The following UNC13C variants were observed in gnomAD, a reference collection of about 807,000 sequenced individuals.
The protein encoded by UNC13C is unc-13 homolog C, also known as protein unc-13 homolog C.
Under a neutral mutation model 245.4 loss-of-function variants are expected in UNC13C, and 174 were observed. That is an observed-to-expected ratio of 0.71 (90% CI 0.63 to 0.80). The LOEUF (loss-of-function observed/expected upper bound fraction) is 0.80. Ranked by LOEUF, UNC13C falls within the 30% of genes least tolerant of loss-of-function variation. The probability of loss-of-function intolerance (pLI) is 0.00; values close to 1 mark genes in which losing one functional copy is unlikely to be tolerated. For missense variants in UNC13C, 2,829 were observed against 2,602.9 expected (o/e 1.09, Z -1.89); for synonymous variants, 992 against 895.1 (o/e 1.11, Z -1.93).
At chr15:54,079,848 T>C (rs1388811803) in intron 2 of UNC13C, among the ~76,000 whole-genome samples, 1 of 152,084 alleles carries the variant, frequency 6.6e-6, no homozygotes, top group Non-Finnish European at 1.5e-5. Context: ...GGTACTATGC[T>C]GAATAGAAAT....
At chr15:53,884,031 G>C in the UNC13C span, among the ~76,000 whole-genome samples, 2 of 152,116 alleles carry the variant, frequency 1.3e-5, no homozygotes, top group Non-Finnish European at 2.9e-5. Flanking sequence ...CTGTGATCCT[G>C]GGGAAATGAT....
chr15:54,059,347 G>C (rs1897695649), intron 2 of UNC13C, among the ~76,000 whole-genome samples: 1 of 152,092 alleles, frequency 6.6e-6, no homozygotes, highest in South Asian at 2.1e-4. Context: ...CAAATCATGA[G>C]TGAACTCCCA....
chr15:53,902,517 A>C, the UNC13C span, among the ~76,000 whole-genome samples: 1 of 152,230 alleles, frequency 6.6e-6, no homozygotes, highest in African/African-American at 2.4e-5. Context: ...TAGTAGAAGG[A>C]GTAATTAGGG....
chr15:54,309,854 T>C (rs892117740), intron 13 of UNC13C, among the ~76,000 whole-genome samples: 6 of 151,888 alleles, frequency 4.0e-5, no homozygotes, highest in African/African-American at 1.4e-4. Context: ...CATTAATCTA[T>C]GTGTCTATTT....
chr15:54,528,324 T>G (rs910692571), intron 25 of UNC13C, among the ~76,000 whole-genome samples: 1 of 151,666 alleles, frequency 6.6e-6, no homozygotes, highest in African/African-American at 2.4e-5. Context: ...GCTCCTTTTT[T>G]TTTTTTTTTC....
chr15:53,940,925 C>T, the UNC13C span, among the ~76,000 whole-genome samples: 1 of 152,234 alleles, frequency 6.6e-6, no homozygotes, highest in Middle Eastern at 3.4e-3. Context: ...ATTAAACTAC[C>T]AGTGCCATTT....
At chr15:53,934,428 A>T in the UNC13C span, among the ~76,000 whole-genome samples, 1 of 152,174 alleles carries the variant, frequency 6.6e-6, no homozygotes, top group African/African-American at 2.4e-5. Flanking sequence ...TATTTCTAAC[A>T]CTTAAGCAAA....
chr15:54,198,439 G>A (rs112093902), intron 4 of UNC13C, among the ~76,000 whole-genome samples: 4,392 of 152,130 alleles, frequency 0.029, 214 homozygotes, highest in African/African-American at 0.1. Context: ...CACAACCAAG[G>A]ATCCTCACAG....
intron 2 of UNC13C, among the ~76,000 whole-genome samples, chr15:54,121,808 T>C (rs2030686564): frequency 6.6e-6 from 1 of 152,078 alleles, no homozygotes; most frequent in Non-Finnish European, 1.5e-5. Flanking sequence ...TGTATTCTTT[T>C]ATCTCTTTCA....
At chr15:54,261,521 T>TGTTTG (rs1354252437) in intron 8 of UNC13C, among the ~76,000 whole-genome samples, 2 of 133,132 alleles carry the variant, frequency 1.5e-5, no homozygotes, top group Non-Finnish European at 3.1e-5. Flanking sequence ...AATTTTTGTT[T>TGTTTG]GTTTGTTTTG....
intron 10 of UNC13C, among the ~76,000 whole-genome samples, chr15:54,271,873 A>C (rs117486837): frequency 6.6e-6 from 1 of 152,352 alleles, no homozygotes; most frequent in East Asian, 1.9e-4. Context: ...CGACTGGACA[A>C]TCAGCTCCAC....
intron 19 of UNC13C, among the ~76,000 whole-genome samples, chr15:54,465,030 A>G (rs901154525): frequency 3.3e-5 from 5 of 152,096 alleles, no homozygotes; most frequent in Non-Finnish European, 5.9e-5. Context: ...CACAGATAAT[A>G]CATATCTGAT....
intron 17 of UNC13C, among the ~76,000 whole-genome samples, chr15:54,359,930 A>G (rs886064186): frequency 1.3e-5 from 2 of 151,802 alleles, no homozygotes; most frequent in African/African-American, 4.8e-5. Context: ...AGGTATACCT[A>G]CCTTTCTTGA....
chr15:54,493,593 T>C (rs978862900), intron 19 of UNC13C, among the ~76,000 whole-genome samples: 6 of 152,132 alleles, frequency 3.9e-5, no homozygotes, highest in African/African-American at 7.2e-5. Flanking sequence ...AAATAGTGTT[T>C]TAAGAATTTA....
In UNC13C at chr15:54,500,983, G is replaced by A. The variant is rs752633945; in HGVS notation, c.5301+5G>A. 6.2e-7 allele frequency: 1 copy of A among 1,611,216 alleles called. No homozygotes were observed. The highest frequency in any genetic ancestry group is 8.5e-7 in the Non-Finnish European group (1 of 1,178,390). ...TTAATGAGAAGATTTGCAAAGGTAG[G>A]TTAAATAAAATGAGTCTTCTTTTTC... On this transcript the variant is annotated splice_donor_5th_base_variant and intron_variant, in intron 22 of 32. Transcript: ENST00000260323.
intron 5 of UNC13C, among the ~76,000 whole-genome samples, chr15:54,235,576 A>G (rs1392839103): frequency 6.6e-6 from 1 of 152,186 alleles, no homozygotes; most frequent in Non-Finnish European, 1.5e-5. Flanking sequence ...TAAATTAATA[A>G]GCTCTTCTAT....
intron 24 of UNC13C, among the ~76,000 whole-genome samples, chr15:54,516,797 C>T (rs1894998382): frequency 4.1e-5 from 1 of 24,220 alleles, no homozygotes; most frequent in Non-Finnish European, 7.5e-5. Flanking sequence ...GAGATGCTGT[C>T]TCAAAAAAAA....
At chr15:54,330,672 T>G (rs2038414110) in intron 14 of UNC13C, among the ~76,000 whole-genome samples, 1 of 152,106 alleles carries the variant, frequency 6.6e-6, no homozygotes, top group Non-Finnish European at 1.5e-5. Flanking sequence ...CTTCTCCTTT[T>G]CTATCTGGAT....
At chr15:54,334,951 C>G (rs545301789) in intron 16 of UNC13C, among the ~76,000 whole-genome samples, 1 of 152,026 alleles carries the variant, frequency 6.6e-6, no homozygotes, top group African/African-American at 2.4e-5. Flanking sequence ...CCCTCACTAC[C>G]AGTTGATTAC....
Sources: allele counts gnomAD v4.1 joint callset (sites outside exome capture counted in the v4.1 genomes callset), GRCh38; gene constraint gnomAD v4.1.1; transcripts MANE v1.5; gene names NCBI Gene and HGNC (gene_info 2026-07-23, HGNC 2026-07-21).